SHB: variants seen among roughly 807,000 people sequenced by gnomAD.
SHB encodes SH2 domain-containing adapter protein B.
A neutral mutation model predicts 52.3 loss-of-function variants in SHB; 20 were observed. The observed-to-expected ratio is 0.38, with a 90% CI of 0.27 to 0.56. The LOEUF is 0.56. SHB is among the 20% of genes least tolerant of loss of function. SHB has a pLI of 0.71. For synonymous variants in SHB, 397 were observed against 316.5 expected (o/e 1.25, Z -2.70); for missense variants, 825 against 723.3 (o/e 1.14, Z -1.61).
At chr9:38,047,797 A>G (rs184046511) in intron 1 of SHB, among the ~76,000 whole-genome samples, 20 of 152,306 alleles carry the variant, frequency 1.3e-4, no homozygotes, top group Admixed American at 1.3e-3. Flanking sequence ...GTGTTAAGCA[A>G]ACAAGGGTGT....
intron 5 of SHB, among the ~76,000 whole-genome samples, chr9:37,931,421 G>A (rs1448355659): frequency 1.3e-5 from 2 of 152,074 alleles, no homozygotes; most frequent in South Asian, 2.1e-4. Flanking sequence ...TTATAAAATG[G>A]GCAAAAGACC....
At chr9:38,063,530 A>G (rs1272106301) in intron 1 of SHB, among the ~76,000 whole-genome samples, 1 of 152,164 alleles carries the variant, frequency 6.6e-6, no homozygotes, top group Non-Finnish European at 1.5e-5. Context: ...TCAGCCTTCT[A>G]CACTCAGCTC....
At chr9:38,035,625 G>A (rs908386388) in intron 1 of SHB, among the ~76,000 whole-genome samples, 1 of 152,120 alleles carries the variant, frequency 6.6e-6, no homozygotes, top group African/African-American at 2.4e-5. Flanking sequence ...GGTGGGGTAG[G>A]TCTTGGGGAC....
At chr9:37,944,908 A>AC (rs34644330) in intron 5 of SHB, among the ~76,000 whole-genome samples, 15 of 151,076 alleles carry the variant, frequency 9.9e-5, no homozygotes, top group African/African-American at 3.6e-4. Flanking sequence ...GGCTCCCAAG[A>AC]CCCCCCTGTG....
chr9:37,966,109 G>T (rs1820515869), intron 3 of SHB, among the ~76,000 whole-genome samples: 1 of 152,180 alleles, frequency 6.6e-6, no homozygotes, highest in South Asian at 2.1e-4. Context: ...AAAGTGCTGG[G>T]ATTACAGGCG....
At chr9:37,972,712 G>C (rs925800005) in intron 3 of SHB, among the ~76,000 whole-genome samples, 1 of 152,158 alleles carries the variant, frequency 6.6e-6, no homozygotes, top group African/African-American at 2.4e-5. Context: ...GGCAGGGAAG[G>C]GCATTTTAGC....
chr9:37,972,117 AG>A (rs1820597139), intron 3 of SHB, among the ~76,000 whole-genome samples: 1 of 152,182 alleles, frequency 6.6e-6, no homozygotes, highest in Non-Finnish European at 1.5e-5. Context: ...AGAGGCCCAC[AG>A]GGGGTCAGTC....
intron 5 of SHB, among the ~76,000 whole-genome samples, chr9:37,940,146 C>T (rs1041344930): frequency 2.0e-5 from 3 of 152,224 alleles, no homozygotes; most frequent in Non-Finnish European, 2.9e-5. Context: ...AGGCCCAGGG[C>T]TGTTCCTACA....
At chr9:37,968,581 T>C (rs1225535872) in intron 3 of SHB, among the ~76,000 whole-genome samples, 1 of 152,090 alleles carries the variant, frequency 6.6e-6, no homozygotes, top group African/African-American at 2.4e-5. Context: ...GCCTGAAGAG[T>C]AACTTTCACG....
At chr9:37,999,724 C>T (rs1820990134) in intron 2 of SHB, among the ~76,000 whole-genome samples, 2 of 152,202 alleles carry the variant, frequency 1.3e-5, no homozygotes. Flanking sequence ...CTGTGTGCAT[C>T]CAGCGTGTCT....
At chr9:38,028,267 C>A (rs569261726) in intron 1 of SHB, among the ~76,000 whole-genome samples, 1 of 152,152 alleles carries the variant, frequency 6.6e-6, no homozygotes, top group Non-Finnish European at 1.5e-5. Flanking sequence ...ATCAGCCTGG[C>A]AGCTTCAAGG....
chr9:37,924,605 C>T (rs1018646403), intron 5 of SHB, among the ~76,000 whole-genome samples: 1 of 152,116 alleles, frequency 6.6e-6, no homozygotes, highest in African/African-American at 2.4e-5. Context: ...TGTCCTGACC[C>T]AGATGTCCCC....
At chr9:38,044,493 A>G (rs1429321689) in intron 1 of SHB, among the ~76,000 whole-genome samples, 1 of 152,202 alleles carries the variant, frequency 6.6e-6, no homozygotes, top group Admixed American at 6.5e-5. Context: ...CAGATCACAC[A>G]CAAGTCCCCA....
intron 1 of SHB, among the ~76,000 whole-genome samples, chr9:38,065,745 C>A (rs1328792748): frequency 6.6e-6 from 1 of 152,208 alleles, no homozygotes; most frequent in African/African-American, 2.4e-5. Flanking sequence ...AACACTCTCG[C>A]AGCTAAATCC....
chr9:38,060,395 C>T (rs1315655049), intron 1 of SHB, among the ~76,000 whole-genome samples: 2 of 152,102 alleles, frequency 1.3e-5, no homozygotes, highest in Admixed American at 6.5e-5. Context: ...GGCTGGTCTC[C>T]AACTCCCGAC....
chr9:37,943,340 T>C (rs931119129), intron 5 of SHB, among the ~76,000 whole-genome samples: 2 of 152,176 alleles, frequency 1.3e-5, no homozygotes, highest in African/African-American at 4.8e-5. Flanking sequence ...TAGGTGTAAG[T>C]GTCTTCCTTT....
chr9:38,036,378 G>A (rs1821487789), intron 1 of SHB, among the ~76,000 whole-genome samples: 2 of 152,214 alleles, frequency 1.3e-5, no homozygotes, highest in Non-Finnish European at 2.9e-5. Flanking sequence ...TGTAAAAACT[G>A]TATTTCTTCA....
intron 1 of SHB, among the ~76,000 whole-genome samples, chr9:38,058,236 C>T (rs914276722): frequency 6.6e-6 from 1 of 152,230 alleles, no homozygotes; most frequent in Non-Finnish European, 1.5e-5. Context: ...TGACGGTTTT[C>T]CCCATTTCCT....
intron 2 of SHB, among the ~76,000 whole-genome samples, chr9:38,008,598 C>G (rs938346743): frequency 6.6e-6 from 1 of 152,248 alleles, no homozygotes; most frequent in African/African-American, 2.4e-5. Flanking sequence ...AGTCAGGAGA[C>G]TTGCCCTGTG....
Sources: gnomAD v4.1 joint callset for allele counts (sites outside exome capture counted in the v4.1 genomes callset) on GRCh38, gnomAD v4.1.1 for gene constraint, MANE v1.5 for transcripts, NCBI Gene and HGNC (gene_info 2026-07-23, HGNC 2026-07-21) for gene names.